NBAS: variants seen among roughly 807,000 people sequenced by gnomAD.
NBAS encodes NBAS subunit of NRZ tethering complex.
In NBAS, 219 loss-of-function variants were observed where a neutral mutation model predicts 302.5. The observed-to-expected ratio is 0.72, with a 90% confidence interval of 0.65 to 0.81. The LOEUF (loss-of-function observed/expected upper bound fraction) is 0.81. Among genes scored for constraint, NBAS ranks in the 30% least tolerant of loss-of-function variants. The probability of loss-of-function intolerance (pLI) is 0.00; values close to 1 mark genes in which losing one functional copy is unlikely to be tolerated. For synonymous variants in NBAS, 1,118 were observed against 1,021.6 expected (o/e 1.09, Z -1.80); for missense variants, 2,932 against 2,841.6 (o/e 1.03, Z -0.72).
intron 44 of NBAS, among the ~76,000 whole-genome samples, chr2:15,259,411 C>T (rs1235926817): frequency 6.6e-6 from 1 of 152,200 alleles, no homozygotes; most frequent in Admixed American, 6.5e-5. Flanking sequence ...CGTCAAAATG[C>T]CAAGAAAGTT....
chr2:15,313,530 T>C (rs1328724109), intron 38 of NBAS, among the ~76,000 whole-genome samples: 2 of 152,218 alleles, frequency 1.3e-5, no homozygotes, highest in African/African-American at 4.8e-5. Flanking sequence ...ATTGACAATG[T>C]TATGCTATGA....
the NBAS span, among the ~76,000 whole-genome samples, chr2:14,848,008 A>T: frequency 6.9e-3 from 1,048 of 152,354 alleles, 6 homozygotes; most frequent in Non-Finnish European, 9.9e-3. Flanking sequence ...TATGGAAATT[A>T]AAAAATATGC....
At chr2:14,825,649 A>G in the NBAS span, among the ~76,000 whole-genome samples, 6,935 of 152,186 alleles carry the variant, frequency 0.046, 184 homozygotes, top group Non-Finnish European at 0.059. Flanking sequence ...TGGGGAAGAA[A>G]AAAAAATGGT....
chr2:15,525,400 C>A (rs2148666854), intron 9 of NBAS, among the ~76,000 whole-genome samples: 1 of 152,284 alleles, frequency 6.6e-6, no homozygotes. Context: ...AAATGACTTA[C>A]TTTGAGATTA....
chr2:15,510,829 G>T (rs757042889), intron 10 of NBAS, among the ~76,000 whole-genome samples: 22 of 152,154 alleles, frequency 1.4e-4, no homozygotes, highest in Non-Finnish European at 7.4e-5. Flanking sequence ...ACTCGGGCCA[G>T]TAACAATATT....
chr2:15,283,888 C>T (rs1331792519), intron 42 of NBAS, among the ~76,000 whole-genome samples: 1 of 152,090 alleles, frequency 6.6e-6, no homozygotes, highest in Admixed American at 6.5e-5. Context: ...CATCAATAGG[C>T]CACAGGTAAT....
chr2:14,832,621 G>A, the NBAS span, among the ~76,000 whole-genome samples: 1 of 152,164 alleles, frequency 6.6e-6, no homozygotes, highest in South Asian at 2.1e-4. Flanking sequence ...AGGGAAAGTG[G>A]ATAGGCAGCC....
chr2:15,502,889 T>C (rs1012170356), intron 11 of NBAS, among the ~76,000 whole-genome samples: 14 of 152,244 alleles, frequency 9.2e-5, no homozygotes, highest in African/African-American at 3.4e-4. Flanking sequence ...TTTTTTTACC[T>C]TTTTGACTTC....
intron 25 of NBAS, among the ~76,000 whole-genome samples, chr2:15,413,688 C>T (rs917729750): frequency 6.6e-6 from 1 of 152,148 alleles, no homozygotes; most frequent in Non-Finnish European, 1.5e-5. Context: ...CAGCAAAGAA[C>T]CTTCCAAGCC....
At chr2:15,462,139 A>G (rs554173845) in intron 19 of NBAS, among the ~76,000 whole-genome samples, 7 of 152,260 alleles carry the variant, frequency 4.6e-5, no homozygotes, top group Non-Finnish European at 2.9e-5. Flanking sequence ...GATGAACTTT[A>G]GTTTCACCAC....
At chr2:15,068,319 G>A in the NBAS span, among the ~76,000 whole-genome samples, 3 of 152,206 alleles carry the variant, frequency 2.0e-5, no homozygotes, top group African/African-American at 2.4e-5. Flanking sequence ...ATTCATCGAT[G>A]CCGAATTCAG....
At chr2:14,983,969 C>A in the NBAS span, among the ~76,000 whole-genome samples, 1 of 152,238 alleles carries the variant, frequency 6.6e-6, no homozygotes, top group East Asian at 1.9e-4. Flanking sequence ...TATTTGCCCA[C>A]GTATGTGGGG....
intron 40 of NBAS, among the ~76,000 whole-genome samples, chr2:15,293,978 T>C (rs1167026109): frequency 6.6e-6 from 1 of 152,214 alleles, no homozygotes; most frequent in African/African-American, 2.4e-5. Flanking sequence ...GTGTCTCAAG[T>C]TAAAAGACCT....
chr2:15,190,003 T>A (rs1174937469), intron 49 of NBAS, among the ~76,000 whole-genome samples: 1 of 152,362 alleles, frequency 6.6e-6, no homozygotes, highest in East Asian at 1.9e-4. Flanking sequence ...TGAAACTACA[T>A]TGTTTTTGTT....
chr2:14,801,924 C>G, the NBAS span, among the ~76,000 whole-genome samples: 1 of 145,120 alleles, frequency 6.9e-6, no homozygotes, highest in Non-Finnish European at 1.5e-5. Flanking sequence ...GGATATTAGC[C>G]CTTTGTCAGA....
At chr2:14,969,740 A>G in the NBAS span, among the ~76,000 whole-genome samples, 1 of 152,186 alleles carries the variant, frequency 6.6e-6, no homozygotes, top group African/African-American at 2.4e-5. Flanking sequence ...GGTGCTGGAA[A>G]AAATGGATAT....
chr2:15,171,050 A>G (rs1664269013), intron 51 of NBAS, among the ~76,000 whole-genome samples: 1 of 152,252 alleles, frequency 6.6e-6, no homozygotes, highest in Admixed American at 6.5e-5. Flanking sequence ...TGTACTAAAC[A>G]TACTAAAACT....
At chr2:14,950,192 G>T in the NBAS span, among the ~76,000 whole-genome samples, 24 of 152,114 alleles carry the variant, frequency 1.6e-4, no homozygotes, top group Admixed American at 7.2e-4. Context: ...AGTCCCCAAA[G>T]TCCATTGTAT....
At chr2:15,374,387 A>G (rs981644937) in intron 31 of NBAS, among the ~76,000 whole-genome samples, 5 of 152,180 alleles carry the variant, frequency 3.3e-5, no homozygotes, top group Admixed American at 3.3e-4. Flanking sequence ...AATGTTATAC[A>G]CGTGAAATTT....
Sources: allele counts gnomAD v4.1 joint callset (sites outside exome capture counted in the v4.1 genomes callset), GRCh38; gene constraint gnomAD v4.1.1; transcripts MANE v1.5; gene names NCBI Gene and HGNC (gene_info 2026-07-23, HGNC 2026-07-21).